ERGIC2: variants seen among roughly 807,000 people sequenced by gnomAD.
The protein encoded by ERGIC2 is ERGIC and golgi 2, also known as endoplasmic reticulum-Golgi intermediate compartment protein 2.
A neutral mutation model predicts 52.5 loss-of-function variants in ERGIC2; 31 were observed. The observed-to-expected ratio is 0.59, with a 90% CI of 0.44 to 0.80. The LOEUF is 0.80. Among genes scored for constraint, ERGIC2 ranks in the 30% least tolerant of loss-of-function variants. The pLI is 0.00. For missense variants in ERGIC2, 395 were observed against 455.2 expected, an observed-to-expected ratio of 0.87 and a Z score of 1.20; for synonymous variants, 129 against 140.6, an observed-to-expected ratio of 0.92 and a Z score of 0.58.
At chr12:29,341,348 T>TC (rs772716376) in intron 13 of ERGIC2, 130 bp from the exon 14 acceptor site, 1 of 707,314 alleles carries the variant, frequency 1.4e-6, no homozygotes, top group Non-Finnish European at 2.4e-6. Flanking sequence ...TCTCTCTCTC[T>TC]CCCCCTATTT....
chr12:29,363,341 C>A (rs533696768), intron 5 of ERGIC2, among the ~76,000 whole-genome samples: 7 of 151,974 alleles, frequency 4.6e-5, no homozygotes, highest in Admixed American at 6.6e-5. Context: ...TTTTAATATT[C>A]AGAGTGCATA....
rs956980887 is a variant in ERGIC2, at chr12:29,341,017, CT to C, written c.*138del. On this transcript the variant is annotated 3_prime_UTR_variant, in exon 14 of 14. Transcript: ENST00000360150. ...GAATTTCAGTTTGGGTTTTTTTATC[CT>C]TTTTTTTCTTTTTTAAAATAAGTAT... The C allele has an allele frequency of 3.3e-5, 23 of 694,744 alleles. No individual in the cohort carries two copies. The highest frequency in any genetic ancestry group is 8.6e-5 in the East Asian group (3 of 34,900). 43.0% of individuals were successfully genotyped at this position (694,744 alleles called of 1,614,324 possible).
intron 1 of ERGIC2, among the ~76,000 whole-genome samples, chr12:29,378,444 AT>A (rs1411978330): frequency 6.6e-6 from 1 of 152,202 alleles, no homozygotes; most frequent in African/African-American, 2.4e-5. Flanking sequence ...TACAGGCAAT[AT>A]AATTCAGGCC....
At position 29,345,532 on chromosome 12, in the gene ERGIC2, T is replaced by A. The variant is rs1385058436; in HGVS notation, c.736A>T (p.Met246Leu). The change falls in exon 11 of 14, where the codon ATG becomes TTG. Residue 246 changes from methionine (M) to leucine (L), a missense_variant. Physicochemically the swap from Met to Leu is conservative, Grantham distance 15. Transcript: ENST00000360150. ...ACAACTGTAATAAAATATTGGAACA[T>A]CTGGTTGTCTAGAATACAAAAAAAA... Reference protein sequence around the residue: ...TEKIAIDHNQMFQYFITVVPT... With the variant: ...TEKIAIDHNQLFQYFITVVPT... The A allele has an allele frequency of 3.8e-6, 6 of 1,570,006 alleles. No homozygotes were observed. Among genetic ancestry groups the A allele is most frequent in the Non-Finnish European group, 5.2e-6 (6 of 1,143,774 alleles).
chr12:29,375,326 C>T (rs752833553), intron 1 of ERGIC2, among the ~76,000 whole-genome samples: 4 of 152,152 alleles, frequency 2.6e-5, no homozygotes, highest in Non-Finnish European at 5.9e-5. Context: ...CTAACTTGAT[C>T]TTTGTATCTC....
chr12:29,353,385 GT>G (rs1940159441), intron 8 of ERGIC2, among the ~76,000 whole-genome samples: 1 of 152,072 alleles, frequency 6.6e-6, no homozygotes, highest in South Asian at 2.1e-4. Context: ...AAACAACAAA[GT>G]TTTTCTGAAT....
intron 11 of ERGIC2, among the ~76,000 whole-genome samples, chr12:29,344,695 G>C (rs544971258): frequency 2.0e-5 from 3 of 152,012 alleles, no homozygotes; most frequent in East Asian, 3.9e-4. Flanking sequence ...CAATTATTGA[G>C]GGCATGGTCA....
intron 11 of ERGIC2, 43 bp downstream of exon 11, chr12:29,345,400 T>TA (rs940635939): frequency 2.4e-5 from 28 of 1,158,596 alleles, no homozygotes; most frequent in African/African-American, 2.3e-4. Context: ...AATGCTTTTT[T>TA]AAAAAAATCA....
chr12:29,358,412 T>C (rs1940238255), intron 6 of ERGIC2, among the ~76,000 whole-genome samples: 1 of 152,174 alleles, frequency 6.6e-6, no homozygotes, highest in Admixed American at 6.5e-5. Flanking sequence ...AGAGCACAGA[T>C]AATTTTTACA....
chr12:29,355,914 T>C (rs992425612), intron 8 of ERGIC2, among the ~76,000 whole-genome samples: 1 of 152,180 alleles, frequency 6.6e-6, no homozygotes, highest in African/African-American at 2.4e-5. Flanking sequence ...GTCTTCTCTA[T>C]CCTGAGACTG....
intron 11 of ERGIC2, among the ~76,000 whole-genome samples, chr12:29,343,875 T>C (rs1949857880): frequency 6.6e-6 from 1 of 152,068 alleles, no homozygotes; most frequent in Non-Finnish European, 1.5e-5. Context: ...TAATAATGAT[T>C]CACTTTGGGT....
chr12:29,374,133 A>G (rs1409147830), intron 1 of ERGIC2, among the ~76,000 whole-genome samples: 1 of 152,138 alleles, frequency 6.6e-6, no homozygotes, highest in African/African-American at 2.4e-5. Context: ...AGTTGTCCCC[A>G]TTCATCTACT....
chr12:29,367,081 A>T, intron 4 of ERGIC2, 134 bp from the exon 5 acceptor site: 1 of 465,276 alleles, frequency 2.1e-6, no homozygotes, highest in Non-Finnish European at 3.7e-6. Flanking sequence ...AACTATGTAG[A>T]ATAATTTCCG....
At chr12:29,357,595 A>C (rs764274643) in intron 7 of ERGIC2, 28 bp downstream of exon 7, 6 of 1,110,778 alleles carry the variant, frequency 5.4e-6, no homozygotes, top group Non-Finnish European at 8.1e-6. Flanking sequence ...CATAATAAAC[A>C]GTTGCACATT....
intron 6 of ERGIC2, among the ~76,000 whole-genome samples, chr12:29,358,461 T>C (rs1320612037): frequency 6.6e-6 from 1 of 152,146 alleles, no homozygotes. Context: ...GGTAGATACA[T>C]GTCCTTATAC....
chr12:29,380,992 G>C (rs1043290444), intron 1 of ERGIC2, 123 bp downstream of exon 1: 2 of 152,292 alleles, frequency 1.3e-5, no homozygotes, highest in African/African-American at 2.4e-5. Context: ...CGGCTCTCTA[G>C]AGATCAATGA....
At position 29,349,919 on chromosome 12, in the gene ERGIC2, A is replaced by G. The variant is rs12580072; in HGVS notation, c.628+94T>C. ...TTTCCTTTGGATGAATATGTTTTCA[A>G]AACAGCTCACTTTCAACTACACTAT... On this transcript the variant is annotated intron_variant, in intron 9 of 13. Transcript: ENST00000360150. The G allele has an allele frequency of 2.3e-3, 1,673 of 718,088 alleles. 28 individuals are homozygous for G. In the East Asian group the frequency reaches 0.042, roughly 18 times the overall value. 44.5% of individuals were successfully genotyped at this position (718,088 alleles called of 1,614,324 possible). A position where few individuals can be genotyped will look rare whatever the true frequency, so the allele number is the denominator to read the frequency against.
At chr12:29,362,046 A>T (rs1268663078) in intron 5 of ERGIC2, among the ~76,000 whole-genome samples, 3 of 152,202 alleles carry the variant, frequency 2.0e-5, no homozygotes, top group Non-Finnish European at 4.4e-5. Flanking sequence ...ATACAGAGTT[A>T]TATTCAAGCA....
At chr12:29,350,163 TCTTAGTACAAAA>T in intron 8 of ERGIC2, 95 bp from the exon 9 acceptor site, 1 of 750,132 alleles carries the variant, frequency 1.3e-6, no homozygotes, top group Non-Finnish European at 2.2e-6. Flanking sequence ...ATATAATTTT[TCTTAGTACAAAA>T]TAACATAAGA....
Sources: gnomAD v4.1 joint callset for allele counts (sites outside exome capture counted in the v4.1 genomes callset) on GRCh38, gnomAD v4.1.1 for gene constraint, MANE v1.5 for transcripts, NCBI Gene and HGNC (gene_info 2026-07-23, HGNC 2026-07-21) for gene names.